The following DLC1 variants were observed in gnomAD, a reference collection of about 807,000 sequenced individuals.
DLC1 encodes the protein DLC1 Rho GTPase activating protein, also known as rho GTPase-activating protein 7.
A neutral mutation model predicts 140.3 loss-of-function variants in DLC1; 54 were observed. The observed-to-expected ratio is 0.38, with a 90% CI of 0.31 to 0.48. DLC1 has a LOEUF of 0.48. Among genes scored for constraint, DLC1 ranks in the 20% least tolerant of loss-of-function variants. The probability of loss-of-function intolerance (pLI) is 0.96; values close to 1 mark genes in which losing one functional copy is unlikely to be tolerated. For missense variants in DLC1, 2,536 were observed against 1,907.0 expected (o/e 1.33, Z -6.14); for synonymous variants, 986 against 728.1 (o/e 1.35, Z -5.70).
intron 5 of DLC1, among the ~76,000 whole-genome samples, chr8:13,205,918 A>C (rs2117087013): frequency 6.6e-6 from 1 of 152,306 alleles, no homozygotes; most frequent in Non-Finnish European, 1.5e-5. Flanking sequence ...TGACAATCTA[A>C]TCAGATTTGA....
At chr8:13,373,204 G>T (rs550559970) in intron 4 of DLC1, among the ~76,000 whole-genome samples, 1 of 152,154 alleles carries the variant, frequency 6.6e-6, no homozygotes, top group South Asian at 2.1e-4. Context: ...GGGTGCAAAC[G>T]GGTGACTGAA....
At chr8:13,395,874 G>C (rs1302527575) in intron 3 of DLC1, among the ~76,000 whole-genome samples, 2 of 150,828 alleles carry the variant, frequency 1.3e-5, no homozygotes, top group Non-Finnish European at 3.0e-5. Flanking sequence ...GCATAGAAAA[G>C]ACAAACTACA....
At chr8:13,242,566 T>A (rs182325668) in intron 5 of DLC1, among the ~76,000 whole-genome samples, 98 of 152,178 alleles carry the variant, frequency 6.4e-4, no homozygotes, top group South Asian at 1.2e-3. Context: ...TGTACTTTTT[T>A]AATTTTTTGT....
At chr8:13,603,853 G>A (rs554951378) in intron 1 of DLC1, among the ~76,000 whole-genome samples, 37 of 152,026 alleles carry the variant, frequency 2.4e-4, no homozygotes, top group African/African-American at 6.3e-4. Flanking sequence ...TTGATTAAGC[G>A]GCTCTGAATT....
Position 13,216,862 on chromosome 8 carries a change from A to C in DLC1, c.1348+88407T>G, listed in dbSNP as rs187037281. 1.5e-3 allele frequency among the ~76,000 whole-genome samples: 227 copies of C among 152,186 alleles called. 1 individual carries two copies. The highest frequency in any genetic ancestry group is 7.1e-3 in the South Asian group (34 of 4,810). On this transcript the variant is annotated intron_variant, in intron 5 of 17. Coordinates refer to ENST00000276297, the MANE Select transcript of DLC1 (RefSeq NM_182643.3). ...AAATGTTCCATGGGAAACCAAACCAAATTACCTCTGGTTTTGAACCACTGG... is the reference window on the plus strand; with the variant it reads ...AAATGTTCCATGGGAAACCAAACCACATTACCTCTGGTTTTGAACCACTGG...
intron 5 of DLC1, among the ~76,000 whole-genome samples, chr8:13,295,942 G>GTT (rs71207138): frequency 0.24 from 17,075 of 72,394 alleles, 6,020 homozygotes; most frequent in East Asian, 0.27. Context: ...AAGATTCTTT[G>GTT]TTTTTTTTTT....
intron 1 of DLC1, among the ~76,000 whole-genome samples, chr8:13,520,525 G>A (rs924073579): frequency 6.6e-6 from 1 of 152,122 alleles, no homozygotes; most frequent in African/African-American, 2.4e-5. Flanking sequence ...TAACGTAGGT[G>A]ATGGGTTGAT....
At chr8:13,500,217 AT>A (rs779502592) in intron 1 of DLC1, 21 bp from the exon 2 acceptor site, 15 of 680,416 alleles carry the variant, frequency 2.2e-5, no homozygotes, top group East Asian at 1.6e-4. Flanking sequence ...ATTCAAAAAA[AT>A]ATGTAGTCGC....
rs986828208 is a variant in DLC1, at chr8:13,272,419, C to T, written c.1348+32850G>A. Among the ~76,000 whole-genome samples the T allele has an allele frequency of 4.0e-4, 61 of 151,852 alleles. 1 individual carries two copies. Among genetic ancestry groups the T allele is most frequent in the Admixed American group, 3.7e-3 (56 of 15,252 alleles). On this transcript the variant is annotated intron_variant, in intron 5 of 17. Coordinates refer to ENST00000276297, the MANE Select transcript of DLC1 (RefSeq NM_182643.3). ...TCATGCCACTGCACTCCAGCCTGGGCGACAGAGTGAAACTCTGTCTCAGCA... is the reference window on the plus strand; with the variant it reads ...TCATGCCACTGCACTCCAGCCTGGGTGACAGAGTGAAACTCTGTCTCAGCA...
At chr8:13,191,382 C>T (rs1463527731) in intron 5 of DLC1, among the ~76,000 whole-genome samples, 1 of 152,174 alleles carries the variant, frequency 6.6e-6, no homozygotes, top group Non-Finnish European at 1.5e-5. Flanking sequence ...TGGCCTGGGC[C>T]TGTAATCCTA....
intron 2 of DLC1, among the ~76,000 whole-genome samples, chr8:13,427,268 G>A (rs889812882): frequency 1.3e-5 from 2 of 152,044 alleles, no homozygotes; most frequent in African/African-American, 4.8e-5. Context: ...TTTTCCCACA[G>A]TTCTCTGTCC....
intron 1 of DLC1, among the ~76,000 whole-genome samples, chr8:13,550,424 G>A (rs1803806957): frequency 6.6e-6 from 1 of 152,126 alleles, no homozygotes; most frequent in Admixed American, 6.6e-5. Flanking sequence ...AGTCTTAATA[G>A]TATCTTTGTA....
At chr8:13,163,194 C>G (rs908443680) in intron 5 of DLC1, among the ~76,000 whole-genome samples, 2 of 152,122 alleles carry the variant, frequency 1.3e-5, no homozygotes, top group Non-Finnish European at 2.9e-5. Flanking sequence ...TATAATATTA[C>G]CACACTTCTT....
Position 13,345,616 on chromosome 8 carries a change from C to A in DLC1, c.1315-40314G>T, listed in dbSNP as rs1335626508. ...TCACCCAGATTGGAGTGCAGTGGTA[C>A]CATCTCAGTTCACTGCAACCTCTGT... On this transcript the variant is annotated intron_variant, in intron 4 of 17. Coordinates refer to ENST00000276297, the MANE Select transcript of DLC1 (RefSeq NM_182643.3). Among the ~76,000 whole-genome samples, 3 of 122,702 alleles carry A rather than the reference C, an allele frequency of 2.4e-5. No homozygotes were observed. In the South Asian group the frequency reaches 8.3e-4, roughly 34 times the overall value. 80.5% of individuals were successfully genotyped at this position (122,702 alleles called of 152,430 possible).
intron 2 of DLC1, among the ~76,000 whole-genome samples, chr8:13,415,187 G>T (rs1837993768): frequency 6.6e-6 from 1 of 151,944 alleles, no homozygotes; most frequent in African/African-American, 2.4e-5. Context: ...AAACACTTTA[G>T]TGATTTTATT....
At chr8:13,486,975 C>T (rs574800459) in intron 2 of DLC1, among the ~76,000 whole-genome samples, 1 of 152,162 alleles carries the variant, frequency 6.6e-6, no homozygotes, top group African/African-American at 2.4e-5. Flanking sequence ...GATATTGACT[C>T]AAAGTCCCAT....
At chr8:13,533,748 T>C (rs1803178226) in intron 1 of DLC1, among the ~76,000 whole-genome samples, 1 of 152,134 alleles carries the variant, frequency 6.6e-6, no homozygotes, top group Admixed American at 6.5e-5. Flanking sequence ...GTAATCCCCA[T>C]GTGTGGAGGG....
chr8:13,419,845 G>C (rs2117339261), intron 2 of DLC1, among the ~76,000 whole-genome samples: 1 of 152,228 alleles, frequency 6.6e-6, no homozygotes, highest in South Asian at 2.1e-4. Context: ...TCTGGTCCTG[G>C]ACTCCTTTTG....
At chr8:13,199,547 T>C (rs888329363) in intron 5 of DLC1, among the ~76,000 whole-genome samples, 1 of 152,206 alleles carries the variant, frequency 6.6e-6, no homozygotes, top group African/African-American at 2.4e-5. Flanking sequence ...TGCTCTGTTG[T>C]TCTGCACTTA....
Sources: allele counts gnomAD v4.1 joint callset (sites outside exome capture counted in the v4.1 genomes callset), GRCh38; gene constraint gnomAD v4.1.1; transcripts MANE v1.5; gene names NCBI Gene and HGNC (gene_info 2026-07-23, HGNC 2026-07-21).